KPNA1: variants seen among roughly 807,000 people sequenced by gnomAD.
KPNA1 encodes the protein importin subunit alpha-5.
A neutral mutation model predicts 70.5 loss-of-function variants in KPNA1; 10 were observed. That is an observed-to-expected ratio of 0.14 (90% CI 0.09 to 0.24). The LOEUF (loss-of-function observed/expected upper bound fraction) is 0.24, where lower values mean the gene tolerates loss of function less well. Ranked by LOEUF, KPNA1 falls within the 10% of genes least tolerant of loss-of-function variation. The pLI is 1.00. For synonymous variants in KPNA1, 192 were observed against 221.9 expected (o/e 0.87, Z 1.20); for missense variants, 397 against 637.9 (o/e 0.62, Z 4.07).
chr3:122,426,591 T>G lies in KPNA1; in HGVS notation c.*394A>C. On this transcript the variant is annotated 3_prime_UTR_variant, in exon 14 of 14. Transcript: ENST00000344337. ...AGTTGTGTAAAATTCAAGATAAAGATTTAGTCTCATCTTTTAATGTCAGTT... is the reference window on the plus strand; with the variant it reads ...AGTTGTGTAAAATTCAAGATAAAGAGTTAGTCTCATCTTTTAATGTCAGTT... 1 of 163,716 alleles carries G rather than the reference T, an allele frequency of 6.1e-6. No homozygotes were observed. Among genetic ancestry groups the G allele is most frequent in the Non-Finnish European group, 1.3e-5 (1 of 75,536 alleles). The allele number at this position is 163,716 out of a possible 1,614,324, so 10.1% of individuals were successfully genotyped here.
intron 2 of KPNA1, among the ~76,000 whole-genome samples, chr3:122,476,307 T>G (rs1348355944): frequency 6.6e-6 from 1 of 152,188 alleles, no homozygotes; most frequent in Non-Finnish European, 1.5e-5. Context: ...CATTAAAGAC[T>G]GAAACTAAGA....
intron 2 of KPNA1, among the ~76,000 whole-genome samples, chr3:122,487,890 G>T (rs1381042690): frequency 6.6e-6 from 1 of 151,914 alleles, no homozygotes; most frequent in Non-Finnish European, 1.5e-5. Context: ...ATGAGTAAGA[G>T]GAAAAATTTT....
chr3:122,487,549 T>C (rs973731219), intron 2 of KPNA1, among the ~76,000 whole-genome samples: 2 of 152,170 alleles, frequency 1.3e-5, no homozygotes, highest in African/African-American at 4.8e-5. Flanking sequence ...AATGTGGTAA[T>C]ACATACAATG....
At chr3:122,466,447 T>A (rs532252373) in intron 3 of KPNA1, among the ~76,000 whole-genome samples, 2 of 151,996 alleles carry the variant, frequency 1.3e-5, no homozygotes, top group East Asian at 3.9e-4. Context: ...ATTTTCTTTT[T>A]AAAAAAACTG....
rs1241152269 is a variant in KPNA1, at chr3:122,463,906, A to G, written c.337+36T>C. 5 of 1,134,298 alleles carry G rather than the reference A, an allele frequency of 4.4e-6. No individual in the cohort carries two copies. In the South Asian group the frequency reaches 6.9e-5, roughly 16 times the overall value. 70.3% of individuals were successfully genotyped at this position (1,134,298 alleles called of 1,614,324 possible). A position where few individuals can be genotyped will look rare whatever the true frequency, so the allele number is the denominator to read the frequency against. ...ACTATGGGAAAGTAATTTTGTAGAG[A>G]GATGAAAAAATATACTGAACATATT... is the stretch of plus-strand genomic sequence containing the variant. On this transcript the variant is annotated intron_variant, in intron 4 of 13. Coordinates refer to ENST00000344337, the MANE Select transcript of KPNA1 (RefSeq NM_002264.4).
intron 1 of KPNA1, among the ~76,000 whole-genome samples, chr3:122,502,395 T>C (rs2076839100): frequency 6.6e-6 from 1 of 152,186 alleles, no homozygotes; most frequent in African/African-American, 2.4e-5. Flanking sequence ...GGTGTCGTTA[T>C]AACAGAATGA....
intron 2 of KPNA1, among the ~76,000 whole-genome samples, chr3:122,478,184 AAAAG>A (rs1422437969): frequency 7.2e-6 from 1 of 139,496 alleles, no homozygotes; most frequent in Non-Finnish European, 1.6e-5. Context: ...AAAGAAAAGA[AAAAG>A]AAAAAGAAAA....
intron 8 of KPNA1, among the ~76,000 whole-genome samples, chr3:122,450,134 A>G (rs1446783665): frequency 6.6e-6 from 1 of 152,258 alleles, no homozygotes; most frequent in Non-Finnish European, 1.5e-5. Context: ...AAATGATTCC[A>G]AATTAAAAAC....
chr3:122,461,353 C>CTTTGA (rs1218872433), intron 4 of KPNA1, 35 bp from the exon 5 acceptor site: 3 of 1,447,538 alleles, frequency 2.1e-6, no homozygotes, highest in Non-Finnish European at 2.9e-6. Context: ...AAAAAAAATC[C>CTTTGA]TTTGATTTCA....
chr3:122,443,183 A>G (rs2076088665), intron 9 of KPNA1: 1 of 152,394 alleles, frequency 6.6e-6, no homozygotes, highest in Non-Finnish European at 1.5e-5. Flanking sequence ...TCCCATGCCC[A>G]TGCAGCCTTG....
intron 5 of KPNA1, chr3:122,457,690 A>C: frequency 3.9e-6 from 5 of 1,270,268 alleles, no homozygotes; most frequent in Non-Finnish European, 5.1e-6. Flanking sequence ...TCCTTAAATA[A>C]GGAAAATGAG....
At chr3:122,461,339 A>G in intron 4 of KPNA1, 21 bp from the exon 5 acceptor site, 1 of 1,535,040 alleles carries the variant, frequency 6.5e-7, no homozygotes. Flanking sequence ...ATAAAATAAA[A>G]GAAAAAAAAA....
intron 8 of KPNA1, among the ~76,000 whole-genome samples, chr3:122,451,299 A>G (rs1560027498): frequency 6.6e-6 from 1 of 152,212 alleles, no homozygotes; most frequent in East Asian, 1.9e-4. Flanking sequence ...CCTTCATGCT[A>G]TGCTTTATTT....
intron 1 of KPNA1, among the ~76,000 whole-genome samples, chr3:122,506,002 A>T (rs866606502): frequency 6.6e-6 from 1 of 152,270 alleles, no homozygotes; most frequent in South Asian, 2.1e-4. Context: ...ACCACTTCTT[A>T]GAACAAGTCT....
intron 5 of KPNA1, chr3:122,460,241 T>C: frequency 1.0e-6 from 1 of 985,294 alleles, no homozygotes; most frequent in Non-Finnish European, 1.2e-6. Flanking sequence ...TAAAAAATCA[T>C]CAGTTTCTAA....
At position 122,440,191 on chromosome 3, in the gene KPNA1, A is replaced by G. The variant is rs547110938; in HGVS notation, c.996+1847T>C. ...CACCTCTAGAATCTTAAAATCTAGT[A>G]ATTAGTTACAATACAATGTGATTAA... is the stretch of plus-strand genomic sequence containing the variant. On this transcript the variant is annotated intron_variant, in intron 10 of 13. Coordinates refer to ENST00000344337, the MANE Select transcript of KPNA1 (RefSeq NM_002264.4). 3.6e-4 allele frequency among the ~76,000 whole-genome samples: 55 copies of G among 152,182 alleles called. 1 individual carries two copies. The highest frequency in any genetic ancestry group is 7.2e-4 in the Admixed American group (11 of 15,284).
intron 2 of KPNA1, among the ~76,000 whole-genome samples, 170 bp from the exon 3 acceptor site, chr3:122,467,599 T>C (rs1176491827): frequency 6.6e-6 from 1 of 152,064 alleles, no homozygotes; most frequent in Admixed American, 6.5e-5. Context: ...CTCCATAGTC[T>C]TATAATCAAA....
At chr3:122,512,063 T>C (rs776464592) in intron 1 of KPNA1, among the ~76,000 whole-genome samples, 20 of 152,108 alleles carry the variant, frequency 1.3e-4, no homozygotes, top group Admixed American at 3.3e-4. Flanking sequence ...TGACAGCAAT[T>C]CCAGGTTACG....
intron 9 of KPNA1, among the ~76,000 whole-genome samples, chr3:122,447,189 A>G (rs532749883): frequency 6.6e-6 from 1 of 152,324 alleles, no homozygotes; most frequent in East Asian, 1.9e-4. Flanking sequence ...CATCATCCTG[A>G]TACCAAAGCC....
Sources: gnomAD v4.1 joint callset for allele counts (sites outside exome capture counted in the v4.1 genomes callset) on GRCh38, gnomAD v4.1.1 for gene constraint, MANE v1.5 for transcripts, NCBI Gene and HGNC (gene_info 2026-07-23, HGNC 2026-07-21) for gene names.